The following AXDND1 variants were observed in gnomAD, a reference collection of about 807,000 sequenced individuals.
AXDND1 encodes the protein axonemal dynein light chain domain containing 1.
Under a neutral mutation model 137.5 loss-of-function variants are expected in AXDND1, and 110 were observed. The observed-to-expected ratio is 0.80, with a 90% CI of 0.69 to 0.94. The LOEUF is 0.94. AXDND1 is among the 40% of genes least tolerant of loss of function. AXDND1 has a pLI of 0.00. For missense variants in AXDND1, 1,191 were observed against 1,169.8 expected, an observed-to-expected ratio of 1.02 and a Z score of -0.26; for synonymous variants, 414 against 399.7, an observed-to-expected ratio of 1.04 and a Z score of -0.43.
chr1:179,378,872 C>T lies in AXDND1; in HGVS notation c.495+115C>T, dbSNP rs1390954959. On this transcript the variant is annotated intron_variant, in intron 5 of 25. Transcript: ENST00000367618. ...TAAAACAACGTCATACTATAACAACCTGCATTGCTCACCAATCTTCATAGC... is the reference window on the plus strand; with the variant it reads ...TAAAACAACGTCATACTATAACAACTTGCATTGCTCACCAATCTTCATAGC... 3.6e-6 allele frequency: 3 copies of T among 823,850 alleles called. No homozygotes were observed. The East Asian group carries it at 1.2e-4, about 34-fold the overall frequency. 51.0% of individuals were successfully genotyped at this position (823,850 alleles called of 1,614,324 possible). A position where few individuals can be genotyped will look rare whatever the true frequency, so the allele number is the denominator to read the frequency against.
At chr1:179,429,414 T>G in intron 12 of AXDND1, 104 bp from the exon 13 acceptor site, 1 of 526,526 alleles carries the variant, frequency 1.9e-6, no homozygotes, top group Non-Finnish European at 3.1e-6. Flanking sequence ...AAATTTTAGT[T>G]GAGTTAATGA....
chr1:179,509,376 T>G lies in AXDND1; in HGVS notation c.2469T>G (p.Tyr823Ter), dbSNP rs372241594. ...GCAGAAAAATTACATTATTGACATATGAAGAAATAGAGCGGCTACTTGAAG... is the reference window on the plus strand; with the variant it reads ...GCAGAAAAATTACATTATTGACATAGGAAGAAATAGAGCGGCTACTTGAAG... ...IKGRKITLLT[Y>*]EEIERLLEEE... The change falls in exon 21 of 26, where the codon TAT (tyrosine) becomes TAG (stop). Residue 823 changes from tyrosine (Y) to a stop codon, truncating the protein, a stop_gained. Coordinates refer to ENST00000367618, the MANE Select transcript of AXDND1 (RefSeq NM_144696.6). LOFTEE classifies it high-confidence loss of function. 6.2e-7 allele frequency: 1 copy of G among 1,610,802 alleles called. No homozygotes were observed. Among genetic ancestry groups the G allele is most frequent in the African/African-American group, 1.3e-5 (1 of 74,834 alleles).
intron 19 of AXDND1, 86 bp from the exon 20 acceptor site, chr1:179,492,769 C>A: frequency 1.2e-6 from 1 of 837,210 alleles, no homozygotes; most frequent in South Asian, 2.0e-5. Context: ...AAATTTTAAA[C>A]ACTTAGAAGA....
At chr1:179,484,288 C>T (rs1005186227) in intron 18 of AXDND1, among the ~76,000 whole-genome samples, 13 of 152,114 alleles carry the variant, frequency 8.5e-5, no homozygotes, top group African/African-American at 2.2e-4. Context: ...GGGTTTGGTG[C>T]AGGAGCATCT....
intron 15 of AXDND1, among the ~76,000 whole-genome samples, chr1:179,437,714 T>G (rs1031335980): frequency 6.6e-5 from 10 of 152,112 alleles, no homozygotes; most frequent in African/African-American, 9.7e-5. Flanking sequence ...GAACTACATA[T>G]AAGATGTTAA....
intron 12 of AXDND1, among the ~76,000 whole-genome samples, chr1:179,414,969 GAA>G (rs71111993): frequency 0.64 from 97,579 of 151,876 alleles, 31,714 homozygotes; most frequent in Middle Eastern, 0.7. Flanking sequence ...GAATAGAATA[GAA>G]AAAGGTCAGA....
chr1:179,457,120 C>T, intron 16 of AXDND1: 3 of 1,057,420 alleles, frequency 2.8e-6, no homozygotes, highest in Non-Finnish European at 2.9e-6. Flanking sequence ...GCCTTGCATT[C>T]ATGGCTGCAT....
chr1:179,370,640 A>G (rs988315973), intron 4 of AXDND1, among the ~76,000 whole-genome samples: 1 of 152,220 alleles, frequency 6.6e-6, no homozygotes, highest in Non-Finnish European at 1.5e-5. Context: ...AAGTGGGTCA[A>G]CATTTTCCCT....
At chr1:179,448,627 C>T (rs1660073204) in intron 16 of AXDND1, 1 of 253,708 alleles carries the variant, frequency 3.9e-6, no homozygotes, top group Non-Finnish European at 7.7e-6. Context: ...GGGCCCGCCG[C>T]CAGCGCTCCG....
At position 179,514,772 on chromosome 1, in the gene AXDND1, A is replaced by T. The variant is rs151011923; in HGVS notation, c.2496+5369A>T. Among the ~76,000 whole-genome samples the T allele has an allele frequency of 4.0e-3, 603 of 152,166 alleles. 4 individuals are homozygous for T. Among genetic ancestry groups the T allele is most frequent in the African/African-American group, 0.014 (574 of 41,532 alleles). ...AGTGTTAGGTGCATATATGTTTAGG[A>T]TTGTGATATTTTCTTGTTGGACAAG... On this transcript the variant is annotated intron_variant, in intron 21 of 25. Transcript: ENST00000367618.
chr1:179,462,851 G>T (rs1662556973), intron 16 of AXDND1, among the ~76,000 whole-genome samples: 1 of 152,122 alleles, frequency 6.6e-6, no homozygotes, highest in African/African-American at 2.4e-5. Flanking sequence ...TTACTCTTGG[G>T]AGGGTGTATG....
chr1:179,538,463 C>G (rs1335591449), intron 25 of AXDND1, among the ~76,000 whole-genome samples: 1 of 152,204 alleles, frequency 6.6e-6, no homozygotes, highest in Non-Finnish European at 1.5e-5. Context: ...AGTAGTCATT[C>G]AGGAGCAGGT....
At chr1:179,551,265 TG>T in intron 25 of AXDND1, 1 of 1,614,086 alleles carries the variant, frequency 6.2e-7, no homozygotes, top group Non-Finnish European at 8.5e-7. Flanking sequence ...GTTCTGTTGC[TG>T]GGAGAAGACA....
intron 15 of AXDND1, among the ~76,000 whole-genome samples, chr1:179,439,090 A>G (rs1312244892): frequency 2.0e-5 from 3 of 152,078 alleles, no homozygotes; most frequent in African/African-American, 7.2e-5. Context: ...CATCTTTTCC[A>G]TCTAATTGAC....
At chr1:179,492,039 G>T (rs1195587771) in intron 19 of AXDND1, among the ~76,000 whole-genome samples, 1 of 152,162 alleles carries the variant, frequency 6.6e-6, no homozygotes, top group Non-Finnish European at 1.5e-5. Context: ...ACTGGTGAGG[G>T]AGTGGATTTA....
chr1:179,454,882 T>G (rs1661072277), intron 16 of AXDND1: 1 of 151,864 alleles, frequency 6.6e-6, no homozygotes, highest in South Asian at 2.1e-4. Context: ...TCACCTGAGG[T>G]CAGTGGTTTG....
At chr1:179,517,132 T>C (rs1007488648) in intron 21 of AXDND1, among the ~76,000 whole-genome samples, 1 of 152,196 alleles carries the variant, frequency 6.6e-6, no homozygotes, top group Non-Finnish European at 1.5e-5. Context: ...CTGTGGCTGC[T>C]GTGGGGAATG....
intron 16 of AXDND1, chr1:179,456,816 C>T (rs1661473535): frequency 1.3e-6 from 1 of 790,552 alleles, no homozygotes; most frequent in Admixed American, 1.7e-5. Context: ...CCTAACTTCA[C>T]AGTTGTGGCC....
chr1:179,444,061 T>C (rs1659377565), intron 15 of AXDND1, among the ~76,000 whole-genome samples: 1 of 152,020 alleles, frequency 6.6e-6, no homozygotes, highest in Non-Finnish European at 1.5e-5. Context: ...GAATTTTTTT[T>C]TTTTTTTTTA....
Sources: allele counts gnomAD v4.1 joint callset (sites outside exome capture counted in the v4.1 genomes callset), GRCh38; gene constraint gnomAD v4.1.1; transcripts MANE v1.5; gene names NCBI Gene and HGNC (gene_info 2026-07-23, HGNC 2026-07-21).